The following RALGPS1 variants were observed in gnomAD, a reference collection of about 807,000 sequenced individuals.
The protein encoded by RALGPS1 is Ral GEF with PH domain and SH3 binding motif 1.
Under a neutral mutation model 78.8 loss-of-function variants are expected in RALGPS1, and 19 were observed. The ratio of observed to expected loss-of-function variants is 0.24; its 90% confidence interval spans 0.17 to 0.35. RALGPS1 has a LOEUF of 0.35. RALGPS1 is among the 10% of genes least tolerant of loss of function. The probability of loss-of-function intolerance (pLI) is 1.00; values close to 1 mark genes in which losing one functional copy is unlikely to be tolerated. For missense variants in RALGPS1, 454 were observed against 688.3 expected (o/e 0.66, Z 3.81); for synonymous variants, 228 against 256.3 (o/e 0.89, Z 1.06).
chr9:126,930,619 TATTTTTAGTAGAGATGGGGTTTC>T (rs887487889), intron 1 of RALGPS1, among the ~76,000 whole-genome samples: 5 of 152,020 alleles, frequency 3.3e-5, no homozygotes, highest in Admixed American at 6.5e-5. Flanking sequence ...ATTAAAAAAA[TATTTTTAGTAGAGATGGGGTTTC>T]ATTTTTAGTA....
chr9:127,138,034 A>G (rs2057520563), intron 8 of RALGPS1, among the ~76,000 whole-genome samples: 1 of 152,242 alleles, frequency 6.6e-6, no homozygotes, highest in African/African-American at 2.4e-5. Context: ...GGAGCAGCCA[A>G]GGACCTATGA....
intron 5 of RALGPS1, 56 bp from the exon 6 acceptor site, chr9:127,049,987 C>A: frequency 1.5e-6 from 2 of 1,311,476 alleles, no homozygotes; most frequent in Non-Finnish European, 2.2e-6. Flanking sequence ...GGTGGTCCAG[C>A]AATTAACAAC....
At chr9:127,177,963 T>C in intron 11 of RALGPS1, 1 of 1,547,224 alleles carries the variant, frequency 6.5e-7, no homozygotes, top group Non-Finnish European at 8.7e-7. Context: ...GGGGACAGAA[T>C]GGACCCCAGA....
At chr9:126,994,221 A>C (rs748209095) in intron 4 of RALGPS1, among the ~76,000 whole-genome samples, 1 of 152,214 alleles carries the variant, frequency 6.6e-6, no homozygotes, top group Non-Finnish European at 1.5e-5. Flanking sequence ...TCAGATGATC[A>C]AACTACCCCG....
intron 2 of RALGPS1, 77 bp from the exon 3 acceptor site, chr9:126,965,767 A>G: frequency 9.1e-7 from 1 of 1,103,028 alleles, no homozygotes; most frequent in South Asian, 1.3e-5. Context: ...TCCCATCCTG[A>G]ATTCCGAGGA....
At chr9:127,074,753 A>G (rs1418534282) in intron 8 of RALGPS1, among the ~76,000 whole-genome samples, 2 of 152,252 alleles carry the variant, frequency 1.3e-5, no homozygotes, top group African/African-American at 4.8e-5. Flanking sequence ...CTAAGGTCAC[A>G]TAACTGGAAA....
chr9:127,084,321 G>A (rs2051471672), intron 8 of RALGPS1, among the ~76,000 whole-genome samples: 2 of 152,144 alleles, frequency 1.3e-5, no homozygotes. Context: ...GAGGAAGAAG[G>A]GAGAGAGAAC....
At chr9:126,976,648 A>C (rs2040683248) in intron 3 of RALGPS1, among the ~76,000 whole-genome samples, 1 of 152,204 alleles carries the variant, frequency 6.6e-6, no homozygotes, top group Non-Finnish European at 1.5e-5. Flanking sequence ...CACACACCCA[A>C]GCCCTGTAGA....
intron 5 of RALGPS1, among the ~76,000 whole-genome samples, chr9:127,040,527 G>A (rs1037878921): frequency 1.3e-5 from 2 of 152,160 alleles, no homozygotes; most frequent in Non-Finnish European, 2.9e-5. Flanking sequence ...TGACACAGTG[G>A]GGGTCAAGGA....
intron 4 of RALGPS1, among the ~76,000 whole-genome samples, chr9:127,027,130 G>A (rs77502686): frequency 0.022 from 3,409 of 152,192 alleles, 128 homozygotes; most frequent in African/African-American, 0.077. Flanking sequence ...TTCTGTTTTC[G>A]TTTAATCAAA....
chr9:127,164,534 C>CTTTTTT (rs1160251459), intron 8 of RALGPS1, among the ~76,000 whole-genome samples: 7 of 62,798 alleles, frequency 1.1e-4, no homozygotes, highest in Non-Finnish European at 1.6e-4. Flanking sequence ...CATGCCTGGC[C>CTTTTTT]TTTTTTTTTT....
intron 7 of RALGPS1, among the ~76,000 whole-genome samples, chr9:127,057,648 G>T (rs1395070632): frequency 1.3e-5 from 2 of 152,214 alleles, no homozygotes; most frequent in African/African-American, 4.8e-5. Flanking sequence ...TGGAATATTG[G>T]CTCCCTTAAA....
intron 4 of RALGPS1, among the ~76,000 whole-genome samples, chr9:127,011,222 G>T (rs573455120): frequency 6.6e-6 from 1 of 152,158 alleles, no homozygotes; most frequent in East Asian, 1.9e-4. Context: ...TTGTTGTCCA[G>T]GCTGGAGTGC....
intron 4 of RALGPS1, among the ~76,000 whole-genome samples, chr9:126,996,373 A>G (rs1245430246): frequency 6.6e-6 from 1 of 152,218 alleles, no homozygotes; most frequent in African/African-American, 2.4e-5. Flanking sequence ...CCACAGAAAT[A>G]CAAACTACCA....
intron 8 of RALGPS1, among the ~76,000 whole-genome samples, chr9:127,078,811 A>C (rs1176756599): frequency 6.6e-6 from 1 of 152,154 alleles, no homozygotes; most frequent in Non-Finnish European, 1.5e-5. Flanking sequence ...TTCCTCTTTG[A>C]CTTCCTTTAG....
In RALGPS1 at chr9:127,218,867, G is replaced by A. The variant is rs1426389123; in HGVS notation, c.*98G>A. On this transcript the variant is annotated 3_prime_UTR_variant, in exon 19 of 19. Coordinates refer to ENST00000259351, the MANE Select transcript of RALGPS1 (RefSeq NM_014636.3). This position sits in a 1 kb window ranked among gnomAD's most constrained non-coding sequence, Gnocchi z 4.4. ...CTGGGCACAGGCTGTGAGCCAGGGT[G>A]CTGGGAAACTCACAGCTGGACTCAG... The A allele has an allele frequency of 2.9e-6, 4 of 1,390,522 alleles. No individual in the cohort carries two copies. The highest frequency in any genetic ancestry group is 4.1e-6 in the Non-Finnish European group (4 of 977,964). The allele number at this position is 1,390,522 out of a possible 1,614,324, so 86.1% of individuals were successfully genotyped here.
chr9:127,021,630 T>C lies in RALGPS1; in HGVS notation c.217-12801T>C, dbSNP rs796196815. On this transcript the variant is annotated intron_variant, in intron 4 of 18. Transcript: ENST00000259351. Reference sequence around the variant, plus strand: ...AAGAAAAGTTTTTCTTCTTCTTCTTTTTTTTTTTTTTTTTTAAAGAGAACA... The same window carrying C: ...AAGAAAAGTTTTTCTTCTTCTTCTTCTTTTTTTTTTTTTTTAAAGAGAACA... 1.5e-3 allele frequency among the ~76,000 whole-genome samples: 220 copies of C among 146,450 alleles called. 2 individuals are homozygous for C. The South Asian group carries it at 0.022, about 14-fold the overall frequency.
At chr9:127,097,016 T>A (rs548520892) in intron 8 of RALGPS1, among the ~76,000 whole-genome samples, 4 of 152,228 alleles carry the variant, frequency 2.6e-5, no homozygotes, top group African/African-American at 9.6e-5. Flanking sequence ...ACACACTACT[T>A]CTTTTCCCCC....
intron 1 of RALGPS1, among the ~76,000 whole-genome samples, chr9:126,961,769 C>G (rs1054418124): frequency 6.6e-6 from 1 of 152,196 alleles, no homozygotes; most frequent in South Asian, 2.1e-4. Flanking sequence ...GCACTCCAGT[C>G]TGGGTGACAG....
Sources: gnomAD v4.1 joint callset for allele counts (sites outside exome capture counted in the v4.1 genomes callset) on GRCh38, gnomAD v4.1.1 for gene constraint, Gnocchi (gnomAD v3.1) non-coding constraint, MANE v1.5 for transcripts, NCBI Gene and HGNC (gene_info 2026-07-23, HGNC 2026-07-21) for gene names.